XKR9: variants seen among roughly 807,000 people sequenced by gnomAD.
XKR9 encodes the protein XK-related protein 9.
Under a neutral mutation model 32.0 loss-of-function variants are expected in XKR9, and 32 were observed. The observed-to-expected ratio is 1.00, with a 90% CI of 0.76 to 1.34. The LOEUF is 1.34. Ranked by LOEUF, XKR9 falls within the 40% of genes most tolerant of loss-of-function variation. The probability of loss-of-function intolerance (pLI) is 0.00; values close to 1 mark genes in which losing one functional copy is unlikely to be tolerated. For missense variants in XKR9, 546 were observed against 429.7 expected (o/e 1.27, Z -2.39); for synonymous variants, 168 against 143.4 (o/e 1.17, Z -1.22).
chr8:70,841,314 A>C, the XKR9 span, among the ~76,000 whole-genome samples: 1 of 152,228 alleles, frequency 6.6e-6, no homozygotes, highest in Non-Finnish European at 1.5e-5. Flanking sequence ...ATAATTAATC[A>C]GATTTCTGTG....
At chr8:70,859,226 A>C in the XKR9 span, among the ~76,000 whole-genome samples, 1 of 152,182 alleles carries the variant, frequency 6.6e-6, no homozygotes, top group Non-Finnish European at 1.5e-5. Context: ...AAGACATAAA[A>C]ATGCCAACAG....
At chr8:70,975,737 T>C in the XKR9 span, among the ~76,000 whole-genome samples, 9 of 152,308 alleles carry the variant, frequency 5.9e-5, no homozygotes, top group African/African-American at 2.2e-4. Flanking sequence ...TCTTTTTTGG[T>C]TCCATATGAA....
the XKR9 span, among the ~76,000 whole-genome samples, chr8:70,802,970 G>C: frequency 6.6e-6 from 1 of 152,266 alleles, no homozygotes; most frequent in Middle Eastern, 3.4e-3. Flanking sequence ...GGAGTTCTCT[G>C]CATTTCTTGG....
the XKR9 span, among the ~76,000 whole-genome samples, chr8:71,032,738 C>T: frequency 2.6e-5 from 4 of 152,220 alleles, no homozygotes; most frequent in East Asian, 7.7e-4. Flanking sequence ...GCTTTACAAC[C>T]TATGAGACTA....
the XKR9 span, among the ~76,000 whole-genome samples, chr8:71,048,444 AAGAT>A: frequency 6.6e-6 from 1 of 152,176 alleles, no homozygotes; most frequent in South Asian, 2.1e-4. Flanking sequence ...TATAAATATT[AAGAT>A]AGATAACGTC....
the XKR9 span, among the ~76,000 whole-genome samples, chr8:71,038,784 G>T: frequency 5.7e-5 from 8 of 140,222 alleles, no homozygotes; most frequent in Non-Finnish European, 4.6e-5. Context: ...ATGAACAGAT[G>T]TCCCTTTTTT....
At chr8:70,837,694 C>T in the XKR9 span, among the ~76,000 whole-genome samples, 1 of 152,056 alleles carries the variant, frequency 6.6e-6, no homozygotes, top group South Asian at 2.1e-4. Flanking sequence ...GGTTTGGAGG[C>T]AGCAAGAACA....
chr8:70,758,642 G>T (rs191260908), intron 2 of XKR9, among the ~76,000 whole-genome samples: 15 of 152,290 alleles, frequency 9.8e-5, no homozygotes, highest in Non-Finnish European at 1.8e-4. Context: ...ATTGTCCTAT[G>T]ATACAATGGC....
intron 3 of XKR9, among the ~76,000 whole-genome samples, chr8:70,701,888 T>G (rs1586832880): frequency 1.3e-5 from 2 of 152,200 alleles, no homozygotes; most frequent in East Asian, 3.8e-4. Flanking sequence ...ATGTGTGATT[T>G]GTGATAAAAA....
chr8:70,719,738 C>G (rs1375633458), intron 4 of XKR9, among the ~76,000 whole-genome samples: 1 of 151,992 alleles, frequency 6.6e-6, no homozygotes, highest in Non-Finnish European at 1.5e-5. Context: ...ATGTCTCCAG[C>G]TTTGATCTTT....
the XKR9 span, among the ~76,000 whole-genome samples, chr8:70,821,555 C>T: frequency 6.6e-6 from 1 of 152,210 alleles, no homozygotes; most frequent in South Asian, 2.1e-4. Context: ...GGGCCCCACC[C>T]CTACAGCAAA....
At chr8:71,004,897 T>C in the XKR9 span, among the ~76,000 whole-genome samples, 7 of 151,884 alleles carry the variant, frequency 4.6e-5, no homozygotes, top group Non-Finnish European at 1.0e-4. Flanking sequence ...AGTGGTGATG[T>C]GATTGATCAC....
chr8:70,674,395 G>A (rs990075771), intron 1 of XKR9, among the ~76,000 whole-genome samples: 1 of 152,208 alleles, frequency 6.6e-6, no homozygotes, highest in Non-Finnish European at 1.5e-5. Flanking sequence ...AAGAAAAGTA[G>A]TGCTTATTTT....
At chr8:70,983,166 G>A in the XKR9 span, among the ~76,000 whole-genome samples, 1 of 152,138 alleles carries the variant, frequency 6.6e-6, no homozygotes, top group Non-Finnish European at 1.5e-5. Context: ...GACCCACAAG[G>A]ACTTCAGTGA....
At chr8:70,683,493 C>CTTT in intron 3 of XKR9, 14 of 369,278 alleles carry the variant, frequency 3.8e-5, no homozygotes, top group South Asian at 8.3e-5. Flanking sequence ...AATTACTTTT[C>CTTT]TTTTTTTTTT....
chr8:71,038,296 T>C, the XKR9 span, among the ~76,000 whole-genome samples: 1 of 151,480 alleles, frequency 6.6e-6, no homozygotes, highest in East Asian at 1.9e-4. Context: ...TTTCTCTCTC[T>C]CTCTCTCTCT....
At chr8:70,855,381 A>G in the XKR9 span, among the ~76,000 whole-genome samples, 1 of 152,182 alleles carries the variant, frequency 6.6e-6, no homozygotes, top group Non-Finnish European at 1.5e-5. Context: ...GGTATCAGTG[A>G]TGGAAGACGA....
intron 3 of XKR9, among the ~76,000 whole-genome samples, chr8:70,698,075 TTTC>T (rs1398114176): frequency 6.6e-6 from 1 of 152,100 alleles, no homozygotes; most frequent in Non-Finnish European, 1.5e-5. Context: ...TCTTCTCTCT[TTTC>T]TTCTTTATTA....
At position 70,785,242 on chromosome 8, in the gene XKR9, T is replaced by A. The variant is rs569949677; in HGVS notation, n.353-4097T>A. On this transcript the variant is annotated intron_variant and non_coding_transcript_variant, in intron 2 of 3. Coordinates refer to the XKR9 transcript ENST00000520273. ...CTTCATTATTCACTTTTGGTAGATT[T>A]TATGCGTCTAGGAATTTATCAGTTT... 1.5e-3 allele frequency among the ~76,000 whole-genome samples: 231 copies of A among 152,090 alleles called. 1 individual carries two copies. Among genetic ancestry groups the A allele is most frequent in the African/African-American group, 5.5e-3 (229 of 41,542 alleles).
Sources: gnomAD v4.1 joint callset for allele counts (sites outside exome capture counted in the v4.1 genomes callset) on GRCh38, gnomAD v4.1.1 for gene constraint, MANE v1.5 for transcripts, NCBI Gene and HGNC (gene_info 2026-07-23, HGNC 2026-07-21) for gene names.